The following GP6 variants were observed in gnomAD, a reference collection of about 807,000 sequenced individuals.
GP6 encodes the protein platelet glycoprotein VI.
A neutral mutation model predicts 37.3 loss-of-function variants in GP6; 45 were observed. That is an observed-to-expected ratio of 1.21 (90% CI 0.95 to 1.55). The LOEUF is 1.55. Among genes scored for constraint, GP6 ranks in the 40% most tolerant of loss-of-function variants. GP6 has a pLI of 0.00. For synonymous variants in GP6, 340 were observed against 316.4 expected, an observed-to-expected ratio of 1.07 and a Z score of -0.79; for missense variants, 813 against 760.2, an observed-to-expected ratio of 1.07 and a Z score of -0.82.
intron 5 of GP6, among the ~76,000 whole-genome samples, chr19:55,024,902 G>T (rs1005244165): frequency 8.6e-5 from 13 of 151,594 alleles, no homozygotes; most frequent in Non-Finnish European, 1.3e-4. Context: ...TGGTTGGTTG[G>T]TTGGTTAGTT....
At chr19:55,030,877 C>G (rs1336605907) in intron 3 of GP6, among the ~76,000 whole-genome samples, 1 of 152,086 alleles carries the variant, frequency 6.6e-6, no homozygotes, top group Non-Finnish European at 1.5e-5. Flanking sequence ...GATACAGGGT[C>G]TCACTCTGTC....
Position 55,014,361 on chromosome 19 carries a change from A to G in GP6, c.1584T>C (p.Arg528=). The G allele has an allele frequency of 6.2e-7, 1 of 1,612,690 alleles. No individual in the cohort carries two copies. Among genetic ancestry groups the G allele is most frequent in the Non-Finnish European group, 8.5e-7 (1 of 1,178,860 alleles). Residue 528 remains arginine (R), a synonymous_variant, in exon 8 of 8, where the codon CGT becomes CGC. Transcript: ENST00000310373. Reference sequence around the variant, plus strand: ...TTTCTAATGTGAAGGGAAGCGGGCAACGTGCTAGTTTTACACTAAGGAAAA... The same window carrying G: ...TTTCTAATGTGAAGGGAAGCGGGCAGCGTGCTAGTTTTACACTAAGGAAAA...
At position 55,032,850 on chromosome 19, in the gene GP6, C is replaced by T. The variant is rs943907677; in HGVS notation, c.35-312G>A. The T allele has an allele frequency of 3.6e-5, 19 of 527,550 alleles. 1 individual carries two copies. The highest frequency in any genetic ancestry group is 5.1e-5 in the Non-Finnish European group (15 of 295,310). The allele number at this position is 527,550 out of a possible 1,614,324, so 32.7% of individuals were successfully genotyped here. ...GCGTACTGCTCTCTGTGGACTTGTT[C>T]GTGTTAGACACGGTGGGCTCGTTCG... is the stretch of plus-strand genomic sequence containing the variant. On this transcript the variant is annotated intron_variant, in intron 1 of 7. Transcript: ENST00000310373.
At position 55,014,991 on chromosome 19, in the gene GP6, A is replaced by T. The variant is rs1654413; in HGVS notation, c.954T>A (p.Ala318=). Residue 318 remains alanine (A), a synonymous_variant, in exon 8 of 8, where the codon GCT becomes GCA. Transcript: ENST00000310373. The stretch of plus-strand genomic sequence containing the variant: ...CTGACCCCCGTTTGATTTCCGGGTC[A>T]GCGGGAGGGGCGGGAGGGGCGGAAG... The T allele has an allele frequency of 0.81, 1,297,491 of 1,611,472 alleles. 525,516 individuals are homozygous for T. The highest frequency in any genetic ancestry group is 0.82 in the Non-Finnish European group (969,824 of 1,178,632).
intron 6 of GP6, among the ~76,000 whole-genome samples, chr19:55,018,337 C>T (rs551889395): frequency 1.3e-5 from 2 of 152,290 alleles, no homozygotes; most frequent in East Asian, 1.9e-4. Context: ...CAGTGAGGAG[C>T]GAGATTAAAT....
chr19:55,036,618 G>C (rs1321076633), intron 1 of GP6, among the ~76,000 whole-genome samples: 1 of 152,144 alleles, frequency 6.6e-6, no homozygotes, highest in Non-Finnish European at 1.5e-5. Context: ...GGCACTGGTT[G>C]AGCCTGGGAG....
chr19:55,036,935 C>T (rs1359819803), intron 1 of GP6, among the ~76,000 whole-genome samples: 3 of 152,024 alleles, frequency 2.0e-5, no homozygotes, highest in East Asian at 1.9e-4. Context: ...CACTTGGACC[C>T]GGGAGGCAGA....
In GP6 at chr19:55,014,156, T is replaced by G. The variant is rs115459014; in HGVS notation, c.1789A>C (p.Thr597Pro). ...TCAGGCTTCGTCACCCGAGCTAGAG[T>G]GCAGTGGTGTGATCTCAGCTCACTG... Residue 597 changes from threonine to proline, a missense_variant, in exon 8 of 8, where the codon ACT becomes CCT. By Grantham distance (38) the Thr-to-Pro change is conservative. Transcript: ENST00000310373. The G allele has an allele frequency of 4.3e-3, 3,041 of 700,030 alleles. 90 individuals are homozygous for G. The African/African-American group carries it at 0.047, about 11-fold the overall frequency. The allele number at this position is 700,030 out of a possible 1,614,324, so 43.4% of individuals were successfully genotyped here. A position where few individuals can be genotyped will look rare whatever the true frequency, so the allele number is the denominator to read the frequency against.
At chr19:55,020,183 C>T (rs1269268833) in intron 5 of GP6, among the ~76,000 whole-genome samples, 2 of 142,776 alleles carry the variant, frequency 1.4e-5, no homozygotes, top group African/African-American at 2.6e-5. Context: ...TATTTCTCTT[C>T]GTGTGAGATG....
intron 5 of GP6, among the ~76,000 whole-genome samples, chr19:55,020,219 T>C (rs960854247): frequency 1.5e-4 from 20 of 136,220 alleles, no homozygotes; most frequent in Admixed American, 1.4e-3. Context: ...TTTTTTTTTT[T>C]CAATTAAAAT....
At chr19:55,036,275 G>T (rs1245130587) in intron 1 of GP6, among the ~76,000 whole-genome samples, 1 of 152,052 alleles carries the variant, frequency 6.6e-6, no homozygotes, top group African/African-American at 2.4e-5. Flanking sequence ...GTGGGGCAGG[G>T]ATGAAAAACT....
intron 4 of GP6, among the ~76,000 whole-genome samples, chr19:55,025,473 A>G (rs983400720): frequency 2.6e-5 from 4 of 152,194 alleles, no homozygotes; most frequent in Non-Finnish European, 5.9e-5. Flanking sequence ...TGGGAGGCTG[A>G]GGAGGGCAGA....
chr19:55,032,670 G>A (rs2074612402), intron 1 of GP6, 132 bp from the exon 2 acceptor site: 1 of 990,808 alleles, frequency 1.0e-6, no homozygotes, highest in African/African-American at 1.6e-5. Flanking sequence ...AAGACACACA[G>A]GAATGTAATT....
chr19:55,013,915 A>G lies in GP6; in HGVS notation c.*167T>C. ...GAAATGCCTAAACGCTATAATAAAT[A>G]TAGAACTTTACCTTGAGAAGACCTA... On this transcript the variant is annotated 3_prime_UTR_variant, in exon 8 of 8. Transcript: ENST00000310373. 2.6e-6 allele frequency: 1 copy of G among 378,238 alleles called. No individual in the cohort carries two copies. The highest frequency in any genetic ancestry group is 2.0e-5 in the South Asian group (1 of 50,450). 23.4% of individuals were successfully genotyped at this position (378,238 alleles called of 1,614,324 possible).
chr19:55,018,508 T>A, intron 6 of GP6, 144 bp downstream of exon 6: 1 of 758,334 alleles, frequency 1.3e-6, no homozygotes, highest in Non-Finnish European at 2.4e-6. Flanking sequence ...TCTGCACCCA[T>A]GCTCTAGCCT....
At position 55,014,905 on chromosome 19, in the gene GP6, GC is replaced by G; in HGVS notation, c.1039del (p.Ala347HisfsTer61). On this transcript the variant is annotated frameshift_variant, in exon 8 of 8. Transcript: ENST00000310373. LOFTEE classifies it low-confidence loss of function (END_TRUNC). ...TGATCCCTCCCTTGGATACGACCGT[GC>G]CTGGGGTTCAGCGGTCATGAACATA... 6.2e-7 allele frequency: 1 copy of G among 1,613,726 alleles called. No homozygotes were observed. Among genetic ancestry groups the G allele is most frequent in the South Asian group, 1.1e-5 (1 of 91,074 alleles).
At chr19:55,027,305 C>G (rs1294251044) in intron 4 of GP6, among the ~76,000 whole-genome samples, 1 of 31,598 alleles carries the variant, frequency 3.2e-5, no homozygotes, top group African/African-American at 1.0e-4. Context: ...GCCCCTGCAG[C>G]CCAGGGCTTC....
chr19:55,015,423 C>T (rs2073836561), intron 7 of GP6, among the ~76,000 whole-genome samples: 4 of 152,168 alleles, frequency 2.6e-5, no homozygotes, highest in Admixed American at 2.6e-4. Flanking sequence ...GCCTCGTTAT[C>T]TGATGCATTG....
intron 5 of GP6, among the ~76,000 whole-genome samples, chr19:55,020,041 A>T (rs2074020801): frequency 6.6e-6 from 1 of 151,856 alleles, no homozygotes; most frequent in Non-Finnish European, 1.5e-5. Context: ...GCCTCAGCTG[A>T]TAAATACGAA....
Sources: gnomAD v4.1 joint callset for allele counts (sites outside exome capture counted in the v4.1 genomes callset) on GRCh38, gnomAD v4.1.1 for gene constraint, MANE v1.5 for transcripts, NCBI Gene and HGNC (gene_info 2026-07-23, HGNC 2026-07-21) for gene names.